The following FBXL13 variants were observed in gnomAD, a reference collection of about 807,000 sequenced individuals.
FBXL13 encodes F-box and leucine-rich repeat protein 13.
In FBXL13, 67 loss-of-function variants were observed where a neutral mutation model predicts 83.6. That is an observed-to-expected ratio of 0.80 (90% confidence interval 0.66 to 0.98). The LOEUF (loss-of-function observed/expected upper bound fraction) is 0.98. Ranked by LOEUF, FBXL13 falls within the 50% of genes least tolerant of loss-of-function variation. The pLI is 0.00. For missense variants in FBXL13, 822 were observed against 866.5 expected (o/e 0.95, Z 0.64); for synonymous variants, 272 against 299.5 (o/e 0.91, Z 0.95).
chr7:102,820,344 C>T (rs981512577), intron 19 of FBXL13, among the ~76,000 whole-genome samples: 1 of 152,212 alleles, frequency 6.6e-6, no homozygotes, highest in African/African-American at 2.4e-5. Context: ...AATAGGCCTT[C>T]GGCTGTCATG....
intron 8 of FBXL13, chr7:102,944,470 T>C (rs372273902): frequency 6.2e-6 from 10 of 1,613,986 alleles, no homozygotes; most frequent in South Asian, 4.4e-5. Context: ...TAGAAGTTAC[T>C]ATGAAGAATG....
chr7:102,949,285 T>C (rs1823037313), intron 8 of FBXL13, among the ~76,000 whole-genome samples: 1 of 152,198 alleles, frequency 6.6e-6, no homozygotes, highest in African/African-American at 2.4e-5. Flanking sequence ...TTAACTTTTA[T>C]TTTAATTTCA....
intron 6 of FBXL13, among the ~76,000 whole-genome samples, chr7:103,023,034 T>C (rs1222954123): frequency 6.6e-6 from 1 of 152,106 alleles, no homozygotes; most frequent in Non-Finnish European, 1.5e-5. Context: ...CCCAGCACTT[T>C]GGGAGGCCGA....
At chr7:103,040,976 A>G (rs1443001540) in intron 2 of FBXL13, among the ~76,000 whole-genome samples, 1 of 152,218 alleles carries the variant, frequency 6.6e-6, no homozygotes, top group African/African-American at 2.4e-5. Flanking sequence ...AATAACTAAG[A>G]TTAGAGCAGA....
At chr7:102,819,211 C>CATA (rs1798455549) in intron 19 of FBXL13, among the ~76,000 whole-genome samples, 1 of 152,124 alleles carries the variant, frequency 6.6e-6, no homozygotes, top group Non-Finnish European at 1.5e-5. Flanking sequence ...CACAGAGGGC[C>CATA]ATAAGTTGAA....
At chr7:103,021,550 T>G (rs1793174928) in intron 6 of FBXL13, among the ~76,000 whole-genome samples, 1 of 152,138 alleles carries the variant, frequency 6.6e-6, no homozygotes, top group African/African-American at 2.4e-5. Context: ...ACAGGCAACC[T>G]ACAGAATGGG....
rs184626016 is a variant in FBXL13 at position 102,955,009 on chromosome 7, C to A, written c.724+8524G>T. On this transcript the variant is annotated intron_variant, in intron 8 of 19. Coordinates refer to ENST00000313221, the Ensembl canonical transcript of FBXL13. ...AAGAAAGAAGGTTAACAAGGATATC[C>A]AGGACCTGAACTCAGCTCTGCAACA... Among the ~76,000 whole-genome samples, 21 of 152,230 alleles carry A rather than the reference C, an allele frequency of 1.4e-4. No homozygotes were observed. The East Asian group carries it at 3.7e-3, about 27-fold the overall frequency.
intron 1 of FBXL13, among the ~76,000 whole-genome samples, chr7:103,074,078 C>A (rs956537607): frequency 6.6e-5 from 10 of 152,210 alleles, no homozygotes; most frequent in African/African-American, 2.4e-4. Context: ...CTTATAACGG[C>A]AGTAGGAGGG....
At chr7:102,824,917 C>T (rs760231868) in intron 18 of FBXL13, among the ~76,000 whole-genome samples, 7 of 151,764 alleles carry the variant, frequency 4.6e-5, no homozygotes, top group Non-Finnish European at 1.0e-4. Context: ...CACCACCAAA[C>T]CTCGCTTTCA....
At chr7:102,975,971 C>T (rs756865970) in intron 6 of FBXL13, 9 of 766,080 alleles carry the variant, frequency 1.2e-5, no homozygotes, top group Non-Finnish European at 2.2e-5. Context: ...GCTTCAAGTG[C>T]GGCAATGAAG....
At chr7:102,870,331 T>G (rs1382866807) in intron 16 of FBXL13, among the ~76,000 whole-genome samples, 1 of 152,188 alleles carries the variant, frequency 6.6e-6, no homozygotes, top group Admixed American at 6.5e-5. Flanking sequence ...ATTTATGTTT[T>G]CTTAAAGAAA....
At chr7:103,033,769 T>C (rs185979818) in intron 2 of FBXL13, among the ~76,000 whole-genome samples, 1,675 of 152,128 alleles carry the variant, frequency 0.011, 35 homozygotes, top group African/African-American at 0.039. Context: ...TTCCACAGTG[T>C]GGAAGGGGAC....
In FBXL13 at chr7:103,053,136, TTTTTG is replaced by T. The variant is rs752413560; in HGVS notation, c.-1+2503_-1+2507del. On this transcript the variant is annotated intron_variant, in intron 2 of 19. Transcript: ENST00000313221. ...AAATTCTCTACAGGTTTTTTGTTTG[TTTTTG>T]TTTTGTTTTGTTTTGTTTTGTTTTT... is the stretch of plus-strand genomic sequence containing the variant. Among the ~76,000 whole-genome samples the T allele has an allele frequency of 7.6e-4, 116 of 152,052 alleles. 1 individual carries two copies. The highest frequency in any genetic ancestry group is 1.2e-3 in the East Asian group (6 of 5,170).
intron 10 of FBXL13, among the ~76,000 whole-genome samples, chr7:102,924,590 G>C (rs943791282): frequency 1.3e-5 from 2 of 151,208 alleles, no homozygotes; most frequent in African/African-American, 4.9e-5. Flanking sequence ...AAAATGGTTA[G>C]AGTCAGAAGA....
At chr7:103,014,921 CAAAAAAA>C (rs1166056647) in intron 6 of FBXL13, among the ~76,000 whole-genome samples, 100 of 20,606 alleles carry the variant, frequency 4.9e-3, no homozygotes, top group African/African-American at 0.01. Context: ...GACTCCGTCT[CAAAAAAA>C]AAAAAAAAAA....
intron 11 of FBXL13, among the ~76,000 whole-genome samples, chr7:102,905,910 C>A (rs1378372962): frequency 2.0e-5 from 3 of 152,020 alleles, no homozygotes; most frequent in African/African-American, 2.4e-5. Flanking sequence ...AATAAAAATT[C>A]TATGTGTATT....
At chr7:103,025,166 G>T in exon 6 of FBXL13, 1 of 1,610,174 alleles carries the variant, frequency 6.2e-7, no homozygotes, top group Non-Finnish European at 8.5e-7. Flanking sequence ...GGATTCTTCT[G>T]CAGCAGCTCT....
chr7:102,886,288 T>A (rs1253986261), intron 11 of FBXL13, among the ~76,000 whole-genome samples: 1 of 152,122 alleles, frequency 6.6e-6, no homozygotes, highest in African/African-American at 2.4e-5. Flanking sequence ...TGAAGGGTCA[T>A]CTCCAGAAGA....
chr7:102,958,562 AAT>A (rs1563150518), intron 8 of FBXL13, among the ~76,000 whole-genome samples: 10 of 143,336 alleles, frequency 7.0e-5, no homozygotes, highest in African/African-American at 1.5e-4. Flanking sequence ...TAATAATAAT[AAT>A]AATAAAACAG....
Sources: gnomAD v4.1 joint callset for allele counts (sites outside exome capture counted in the v4.1 genomes callset) on GRCh38, gnomAD v4.1.1 for gene constraint, MANE v1.5 for transcripts, NCBI Gene and HGNC (gene_info 2026-07-23, HGNC 2026-07-21) for gene names.